DLGAP1: variants seen among roughly 807,000 people sequenced by gnomAD.
DLGAP1 encodes the protein disks large-associated protein 1.
Under a neutral mutation model 90.8 loss-of-function variants are expected in DLGAP1, and 11 were observed. The ratio of observed to expected loss-of-function variants is 0.12; its 90% CI spans 0.08 to 0.20. The LOEUF is 0.20. Ranked by LOEUF, DLGAP1 falls within the 10% of genes least tolerant of loss-of-function variation. DLGAP1 has a pLI of 1.00. For missense variants in DLGAP1, 1,050 were observed against 1,333.8 expected (o/e 0.79, Z 3.31); for synonymous variants, 558 against 540.7 (o/e 1.03, Z -0.44).
chr18:3,681,809 T>C (rs1159616056), intron 7 of DLGAP1, among the ~76,000 whole-genome samples: 7 of 151,994 alleles, frequency 4.6e-5, no homozygotes, highest in Admixed American at 4.6e-4. Context: ...TGATAGTGAG[T>C]GAATTCGTGT....
chr18:3,881,613 T>G (rs2071171231), intron 3 of DLGAP1, among the ~76,000 whole-genome samples: 1 of 152,186 alleles, frequency 6.6e-6, no homozygotes, highest in Non-Finnish European at 1.5e-5. Flanking sequence ...AATGAAAATG[T>G]GAGTTAAAAA....
intron 7 of DLGAP1, among the ~76,000 whole-genome samples, chr18:3,671,897 G>A (rs1324513665): frequency 1.3e-5 from 2 of 152,078 alleles, no homozygotes; most frequent in East Asian, 1.9e-4. Flanking sequence ...GCAAAACCTG[G>A]AAATGATCAT....
At chr18:4,156,063 A>G (rs927729724) in intron 1 of DLGAP1, among the ~76,000 whole-genome samples, 10 of 152,172 alleles carry the variant, frequency 6.6e-5, no homozygotes, top group Non-Finnish European at 1.2e-4. Context: ...AAATAAAGAG[A>G]CAACAATGAC....
At chr18:4,023,399 A>T (rs2074646635) in intron 2 of DLGAP1, among the ~76,000 whole-genome samples, 1 of 152,088 alleles carries the variant, frequency 6.6e-6, no homozygotes, top group South Asian at 2.1e-4. Context: ...TATTGCATTG[A>T]CTTTGACTTT....
intron 2 of DLGAP1, among the ~76,000 whole-genome samples, chr18:4,018,959 G>C (rs1370325830): frequency 6.6e-6 from 1 of 152,190 alleles, no homozygotes; most frequent in Non-Finnish European, 1.5e-5. Flanking sequence ...AAAACTCAAG[G>C]CTTTAAAAAG....
chr18:3,973,660 C>CA (rs1326585920), intron 3 of DLGAP1, among the ~76,000 whole-genome samples: 6 of 152,048 alleles, frequency 3.9e-5, no homozygotes, highest in Non-Finnish European at 7.4e-5. Context: ...AATTGCCTGC[C>CA]AATTTTTTTC....
At chr18:4,321,631 A>C (rs949468876) in intron 1 of DLGAP1, among the ~76,000 whole-genome samples, 3 of 152,252 alleles carry the variant, frequency 2.0e-5, no homozygotes, top group African/African-American at 7.2e-5. Flanking sequence ...CACTCCTAGA[A>C]AATTCAGAGC....
chr18:4,056,154 G>C (rs1277574453), intron 2 of DLGAP1, among the ~76,000 whole-genome samples: 1 of 152,130 alleles, frequency 6.6e-6, no homozygotes, highest in Non-Finnish European at 1.5e-5. Flanking sequence ...AAGGGGGCAG[G>C]AGAAGGCCGT....
chr18:4,378,447 G>A lies in DLGAP1; in HGVS notation c.-267+76559C>T, dbSNP rs2082056789. On this transcript the variant is annotated intron_variant, in intron 1 of 12. Coordinates refer to ENST00000315677, the MANE Select transcript of DLGAP1 (RefSeq NM_004746.4). The surrounding 1 kb of genome is among the most constrained non-coding windows in gnomAD (Gnocchi z 4.5). ...ATCTAAAGAGTATGGTCAGGAAATA[G>A]AATTAACACTCAAATTGAGGTAGGT... Among the ~76,000 whole-genome samples the A allele has an allele frequency of 2.0e-5, 3 of 152,054 alleles. No individual in the cohort carries two copies. The highest frequency in any genetic ancestry group is 7.2e-5 in the African/African-American group (3 of 41,406).
intron 1 of DLGAP1, among the ~76,000 whole-genome samples, chr18:4,217,586 G>A (rs762028490): frequency 7.3e-5 from 11 of 151,632 alleles, no homozygotes; most frequent in African/African-American, 2.7e-4. Context: ...CTTACTTACC[G>A]TCTACACACA....
chr18:3,638,041 G>A (rs2058785016), intron 7 of DLGAP1, among the ~76,000 whole-genome samples: 1 of 148,414 alleles, frequency 6.7e-6, no homozygotes, highest in South Asian at 2.1e-4. Context: ...CCGCCTCCCG[G>A]GTTCCCGCCA....
At chr18:3,596,539 TTC>T (rs1025979999) in intron 7 of DLGAP1, 1 of 220,350 alleles carries the variant, frequency 4.5e-6, no homozygotes, top group South Asian at 4.7e-5. Context: ...TGTTGCTATA[TTC>T]TCTGTTAGGA....
At chr18:4,334,095 G>C (rs569315928) in intron 1 of DLGAP1, among the ~76,000 whole-genome samples, 1 of 151,474 alleles carries the variant, frequency 6.6e-6, no homozygotes, top group African/African-American at 2.4e-5. Context: ...AAAATTAGCT[G>C]GGGGTGGTGG....
intron 2 of DLGAP1, among the ~76,000 whole-genome samples, chr18:4,056,060 T>C (rs1305426112): frequency 1.3e-5 from 2 of 152,266 alleles, no homozygotes; most frequent in African/African-American, 2.4e-5. Context: ...TAAAGATAGA[T>C]ACATATTCAT....
rs139254588 is a variant in DLGAP1 at position 4,292,759 on chromosome 18, C to T, written c.-266-141472G>A. ...TTTCAAGGGTAGTCTTTTCTCTCCC[C>T]TGGGAAATAGAAATCAGACAGGAGA... On this transcript the variant is annotated intron_variant, in intron 1 of 12. Coordinates refer to ENST00000315677, the MANE Select transcript of DLGAP1 (RefSeq NM_004746.4). Among the ~76,000 whole-genome samples the T allele has an allele frequency of 3.5e-3, 537 of 152,230 alleles. 4 individuals are homozygous for T. Among genetic ancestry groups the T allele is most frequent in the African/African-American group, 0.012 (509 of 41,538 alleles).
chr18:3,897,887 C>T (rs954068241), intron 3 of DLGAP1, among the ~76,000 whole-genome samples: 8 of 149,118 alleles, frequency 5.4e-5, no homozygotes, highest in East Asian at 4.0e-4. Flanking sequence ...CTCCGCTTCC[C>T]GGGTTCACGC....
At chr18:4,358,737 T>C (rs865939697) in intron 1 of DLGAP1, among the ~76,000 whole-genome samples, 1 of 152,252 alleles carries the variant, frequency 6.6e-6, no homozygotes, top group Admixed American at 6.5e-5. Context: ...GCAGGGCTCC[T>C]GTCTGCTTTG....
At chr18:4,406,795 G>A (rs1051150329) in intron 1 of DLGAP1, among the ~76,000 whole-genome samples, 2 of 152,160 alleles carry the variant, frequency 1.3e-5, no homozygotes, top group African/African-American at 4.8e-5. Flanking sequence ...TCTTGAAATC[G>A]GGAGAAATCT....
intron 7 of DLGAP1, among the ~76,000 whole-genome samples, chr18:3,634,973 G>A (rs2058645322): frequency 6.6e-6 from 1 of 152,066 alleles, no homozygotes; most frequent in Non-Finnish European, 1.5e-5. Flanking sequence ...CATTTTCCCT[G>A]GCTCCTGTTA....
Sources: gnomAD v4.1 joint callset for allele counts (sites outside exome capture counted in the v4.1 genomes callset) on GRCh38, gnomAD v4.1.1 for gene constraint, Gnocchi (gnomAD v3.1) non-coding constraint, MANE v1.5 for transcripts, NCBI Gene and HGNC (gene_info 2026-07-23, HGNC 2026-07-21) for gene names.